CAMK2D: variants seen among roughly 807,000 people sequenced by gnomAD.
The protein encoded by CAMK2D is calcium/calmodulin-dependent protein kinase type II subunit delta.
In CAMK2D, 37 loss-of-function variants were observed where a neutral mutation model predicts 84.0. The ratio of observed to expected loss-of-function variants is 0.44; its 90% CI spans 0.34 to 0.58. The LOEUF (loss-of-function observed/expected upper bound fraction) is 0.58, where lower values mean the gene tolerates loss of function less well. Ranked by LOEUF, CAMK2D falls within the 20% of genes least tolerant of loss-of-function variation. The probability of loss-of-function intolerance (pLI) is 0.02; values close to 1 mark genes in which losing one functional copy is unlikely to be tolerated. For synonymous variants in CAMK2D, 202 were observed against 212.5 expected, an observed-to-expected ratio of 0.95 and a Z score of 0.43; for missense variants, 448 against 652.5, an observed-to-expected ratio of 0.69 and a Z score of 3.41.
At chr4:113,567,468 A>C (rs1185399972) in intron 4 of CAMK2D, among the ~76,000 whole-genome samples, 2 of 152,174 alleles carry the variant, frequency 1.3e-5, no homozygotes, top group African/African-American at 4.8e-5. Context: ...GCACCCGGCC[A>C]GCTGAGATCT....
At chr4:113,510,498 A>AATTT (rs1416726057) in intron 12 of CAMK2D, among the ~76,000 whole-genome samples, 3 of 152,126 alleles carry the variant, frequency 2.0e-5, no homozygotes, top group African/African-American at 7.2e-5. Context: ...TCTGTTACTA[A>AATTT]ACTTCTTGAG....
Position 113,679,615 on chromosome 4 carries a change from ACT to A in CAMK2D, c.161-17845_161-17844del, listed in dbSNP as rs149589101. 1.7e-3 allele frequency: 265 copies of A among 159,060 alleles called. 1 individual carries two copies. The highest frequency in any genetic ancestry group is 1.1e-3 in the Non-Finnish European group (85 of 74,254). 9.9% of individuals were successfully genotyped at this position (159,060 alleles called of 1,614,324 possible). A position where few individuals can be genotyped will look rare whatever the true frequency, so the allele number is the denominator to read the frequency against. On this transcript the variant is annotated intron_variant, in intron 2 of 20. Transcript: ENST00000511664. ...AAAAACGCTGAATTGAGTTTTGACG[ACT>A]CTGATTTCAGAACATAAAATAATTT...
chr4:113,717,590 A>C (rs543341270), intron 2 of CAMK2D, among the ~76,000 whole-genome samples: 7 of 152,224 alleles, frequency 4.6e-5, no homozygotes, highest in African/African-American at 1.7e-4. Context: ...AGGTAAAGGC[A>C]AATACCTTTT....
At chr4:113,601,706 T>TC (rs1330441593) in intron 4 of CAMK2D, among the ~76,000 whole-genome samples, 2 of 140,630 alleles carry the variant, frequency 1.4e-5, no homozygotes, top group African/African-American at 5.3e-5. Flanking sequence ...TTTTTTTTTT[T>TC]TTTTCATTTT....
intron 6 of CAMK2D, among the ~76,000 whole-genome samples, chr4:113,539,637 C>T (rs2098516932): frequency 6.6e-6 from 1 of 152,180 alleles, no homozygotes. Context: ...GAAGACCTCA[C>T]TGTAGGGCCT....
chr4:113,515,623 C>A (rs1422771871), intron 9 of CAMK2D, among the ~76,000 whole-genome samples: 1 of 152,076 alleles, frequency 6.6e-6, no homozygotes, highest in African/African-American at 2.4e-5. Flanking sequence ...TGCCAAGGTT[C>A]AAAATGAGGT....
chr4:113,567,631 T>C (rs1226420057), intron 4 of CAMK2D, among the ~76,000 whole-genome samples: 1 of 152,180 alleles, frequency 6.6e-6, no homozygotes, highest in Non-Finnish European at 1.5e-5. Flanking sequence ...AAATTTGAAA[T>C]TGGTTAAAAT....
intron 16 of CAMK2D, among the ~76,000 whole-genome samples, chr4:113,476,552 T>A (rs2097624449): frequency 1.3e-5 from 2 of 152,156 alleles, no homozygotes; most frequent in South Asian, 4.1e-4. Context: ...CCCAAAATTA[T>A]GCCCCCTCCT....
At chr4:113,595,928 T>A (rs1490212315) in intron 4 of CAMK2D, among the ~76,000 whole-genome samples, 1 of 152,224 alleles carries the variant, frequency 6.6e-6, no homozygotes, top group East Asian at 1.9e-4. Flanking sequence ...GTTTGCTGCA[T>A]ATTGATTGAC....
chr4:113,646,691 G>A (rs79361673), intron 3 of CAMK2D, among the ~76,000 whole-genome samples: 8,001 of 152,248 alleles, frequency 0.053, 582 homozygotes, highest in African/African-American at 0.16. Flanking sequence ...GAGAAGCTAA[G>A]ATCAGAAGAA....
At chr4:113,588,342 T>C (rs187397303) in intron 4 of CAMK2D, among the ~76,000 whole-genome samples, 6 of 152,308 alleles carry the variant, frequency 3.9e-5, no homozygotes, top group South Asian at 2.1e-4. Context: ...CTTCAAATCA[T>C]TAAGCATCAT....
intron 2 of CAMK2D, among the ~76,000 whole-genome samples, chr4:113,700,693 G>A (rs2099415125): frequency 1.3e-5 from 2 of 152,124 alleles, no homozygotes; most frequent in South Asian, 2.1e-4. Context: ...CCCTCCTGAC[G>A]CTGGCTGTGG....
intron 2 of CAMK2D, among the ~76,000 whole-genome samples, chr4:113,714,125 T>A (rs926996286): frequency 1.0e-3 from 155 of 152,220 alleles, no homozygotes; most frequent in African/African-American, 3.7e-3. Context: ...TTTATCTTTT[T>A]CCCTGTGGAT....
intron 3 of CAMK2D, among the ~76,000 whole-genome samples, chr4:113,654,854 A>G (rs1177485675): frequency 1.3e-5 from 2 of 151,762 alleles, no homozygotes; most frequent in Non-Finnish European, 2.9e-5. Flanking sequence ...TGTGTAATAC[A>G]TATCATATAT....
At chr4:113,675,893 C>G (rs1156842712) in intron 2 of CAMK2D, among the ~76,000 whole-genome samples, 1 of 152,168 alleles carries the variant, frequency 6.6e-6, no homozygotes, top group African/African-American at 2.4e-5. Context: ...AGCTTCTATA[C>G]CAGTGATTAT....
Position 113,518,309 on chromosome 4 carries a change from C to A in CAMK2D, c.602-652G>T, listed in dbSNP as rs189824166. Among the ~76,000 whole-genome samples, 11 of 152,128 alleles carry A rather than the reference C, an allele frequency of 7.2e-5. No individual in the cohort carries two copies. The East Asian group carries it at 1.2e-3, about 16-fold the overall frequency. On this transcript the variant is annotated intron_variant, in intron 8 of 20. Coordinates refer to ENST00000511664, the MANE Select transcript of CAMK2D (RefSeq NM_001321571.2). The stretch of plus-strand genomic sequence containing the variant: ...GAAGGGAGAAATTCCACAGAAAATT[C>A]AAAGTAATAATAACAATAAACACAT...
chr4:113,500,453 T>C lies in CAMK2D; in HGVS notation c.1135+10A>G, dbSNP rs1202755138. ...TGAGGTAGGATTTTCCATTTCTGGT[T>C]AAATCATACCTTTCACATCTTCATC... On this transcript the variant is annotated intron_variant, in intron 16 of 20. Coordinates refer to ENST00000511664, the MANE Select transcript of CAMK2D (RefSeq NM_001321571.2). The C allele has an allele frequency of 6.4e-7, 1 of 1,561,678 alleles. No individual in the cohort carries two copies. Among genetic ancestry groups the C allele is most frequent in the Non-Finnish European group, 8.8e-7 (1 of 1,138,042 alleles).
intron 16 of CAMK2D, among the ~76,000 whole-genome samples, chr4:113,472,782 A>G (rs1564472648): frequency 1.3e-5 from 2 of 152,258 alleles, no homozygotes; most frequent in South Asian, 4.1e-4. Flanking sequence ...AAGCTGTGCA[A>G]TTAAAATTGT....
At chr4:113,719,812 C>G (rs764022371) in intron 2 of CAMK2D, among the ~76,000 whole-genome samples, 2 of 152,084 alleles carry the variant, frequency 1.3e-5, no homozygotes, top group African/African-American at 2.4e-5. Context: ...AGTACCTACT[C>G]AAAGCGCTGA....
Sources: allele counts gnomAD v4.1 joint callset (sites outside exome capture counted in the v4.1 genomes callset), GRCh38; gene constraint gnomAD v4.1.1; transcripts MANE v1.5; gene names NCBI Gene and HGNC (gene_info 2026-07-23, HGNC 2026-07-21).